MYO5A: variants seen among roughly 807,000 people sequenced by gnomAD.
MYO5A encodes myosin VA.
In MYO5A, 98 loss-of-function variants were observed where a neutral mutation model predicts 249.7. The ratio of observed to expected loss-of-function variants is 0.39; its 90% confidence interval spans 0.33 to 0.46. MYO5A has a LOEUF of 0.46. MYO5A is among the 20% of genes least tolerant of loss of function. The pLI is 0.98. For missense variants in MYO5A, 1,696 were observed against 2,308.8 expected (o/e 0.73, Z 5.44); for synonymous variants, 778 against 810.6 (o/e 0.96, Z 0.68).
At chr15:52,413,904 G>A (rs937048034) in intron 5 of MYO5A, among the ~76,000 whole-genome samples, 1 of 152,142 alleles carries the variant, frequency 6.6e-6, no homozygotes, top group Non-Finnish European at 1.5e-5. Flanking sequence ...AGCAAGCAGG[G>A]CATATTCTTT....
intron 1 of MYO5A, among the ~76,000 whole-genome samples, chr15:52,443,918 G>A (rs2141347307): frequency 6.6e-6 from 1 of 152,102 alleles, no homozygotes; most frequent in African/African-American, 2.4e-5. Context: ...GAGAGGCGGA[G>A]GTTGCAGTGA....
intron 36 of MYO5A, among the ~76,000 whole-genome samples, chr15:52,327,434 G>A (rs910890212): frequency 2.0e-5 from 3 of 152,192 alleles, no homozygotes; most frequent in African/African-American, 7.2e-5. Flanking sequence ...GTGGCTGGGT[G>A]CAGTGGCTCA....
In MYO5A at chr15:52,409,261, C is replaced by G. The variant is rs116201746; in HGVS notation, c.756+1072G>C. Among the ~76,000 whole-genome samples, 936 of 152,140 alleles carry G rather than the reference C, an allele frequency of 6.2e-3. 7 individuals carry two copies. Among genetic ancestry groups the G allele is most frequent in the African/African-American group, 0.022 (899 of 41,516 alleles). On this transcript the variant is annotated intron_variant, in intron 6 of 41. Coordinates refer to ENST00000399233, the MANE Select transcript of MYO5A (RefSeq NM_001382347.1). The stretch of plus-strand genomic sequence containing the variant: ...CTTACTCACTTACCTATCAATCAAA[C>G]CTCTACTATTTGAACTCTAATATTT...
At chr15:52,491,453 A>G (rs938190102) in intron 1 of MYO5A, among the ~76,000 whole-genome samples, 1 of 152,216 alleles carries the variant, frequency 6.6e-6, no homozygotes, top group Non-Finnish European at 1.5e-5. Context: ...CACCTACATC[A>G]TAATATCTAG....
intron 34 of MYO5A, among the ~76,000 whole-genome samples, chr15:52,333,531 C>T (rs971231873): frequency 6.6e-6 from 1 of 152,096 alleles, no homozygotes; most frequent in Non-Finnish European, 1.5e-5. Flanking sequence ...TAGTTTTTTC[C>T]TCTTATGAAA....
intron 22 of MYO5A, among the ~76,000 whole-genome samples, chr15:52,368,642 C>A (rs1220293061): frequency 1.3e-5 from 2 of 152,210 alleles, no homozygotes; most frequent in Admixed American, 1.3e-4. Context: ...CAGTGGCTCA[C>A]ACCTGTAAAC....
intron 1 of MYO5A, among the ~76,000 whole-genome samples, chr15:52,457,765 A>G (rs900198778): frequency 5.3e-5 from 8 of 152,234 alleles, no homozygotes; most frequent in Admixed American, 5.2e-4. Flanking sequence ...CTGGGTATTT[A>G]TTCAAGGGAA....
At chr15:52,433,046 A>G in intron 2 of MYO5A, 129 bp downstream of exon 2, 1 of 728,732 alleles carries the variant, frequency 1.4e-6, no homozygotes, top group Non-Finnish European at 2.5e-6. Context: ...ATTTTTACCA[A>G]TTTAGTAAGT....
At chr15:52,358,076 A>G (rs1290152755) in intron 25 of MYO5A, among the ~76,000 whole-genome samples, 2 of 152,200 alleles carry the variant, frequency 1.3e-5, no homozygotes, top group Non-Finnish European at 2.9e-5. Context: ...CTCCTAGAAG[A>G]GGTGCACACC....
rs190286683 is a variant in MYO5A, at chr15:52,434,234, G to A, written c.28-949C>T. ...AGGCTGGTCTCGAACCCCTGACCTCGTGACCCACCTGCCTCAGCCTCCCAA... is the reference window on the plus strand; with the variant it reads ...AGGCTGGTCTCGAACCCCTGACCTCATGACCCACCTGCCTCAGCCTCCCAA... On this transcript the variant is annotated intron_variant, in intron 1 of 41. Coordinates refer to ENST00000399233, the MANE Select transcript of MYO5A (RefSeq NM_001382347.1). 5.7e-3 allele frequency among the ~76,000 whole-genome samples: 858 copies of A among 151,706 alleles called. 7 individuals carry two copies. Among genetic ancestry groups the A allele is most frequent in the African/African-American group, 0.02 (818 of 41,354 alleles).
At chr15:52,365,359 G>A (rs1400667210) in intron 23 of MYO5A, among the ~76,000 whole-genome samples, 2 of 152,152 alleles carry the variant, frequency 1.3e-5, no homozygotes, top group East Asian at 3.8e-4. Context: ...TACACCCTCA[G>A]CCCTCTTTGT....
At chr15:52,358,641 G>A (rs1425909942) in intron 25 of MYO5A, among the ~76,000 whole-genome samples, 1 of 152,090 alleles carries the variant, frequency 6.6e-6, no homozygotes, top group East Asian at 1.9e-4. Flanking sequence ...ACCTGCTGCT[G>A]AACAGAGGCT....
chr15:52,503,475 A>T (rs1038959046), intron 1 of MYO5A, among the ~76,000 whole-genome samples: 1 of 151,970 alleles, frequency 6.6e-6, no homozygotes. Context: ...TAAAAAAAAA[A>T]ATAAAGAAAT....
At chr15:52,366,629 C>CAAAAAAAAAAAAAAAAAA in intron 23 of MYO5A, among the ~76,000 whole-genome samples, 1 of 74,554 alleles carries the variant, frequency 1.3e-5, no homozygotes, top group Non-Finnish European at 2.9e-5. Context: ...ATTGATTTAG[C>CAAAAAAAAAAAAAAAAAA]AAAAAAAAAA....
chr15:52,386,893 A>C (rs1389236553), intron 14 of MYO5A, among the ~76,000 whole-genome samples: 1 of 152,200 alleles, frequency 6.6e-6, no homozygotes, highest in African/African-American at 2.4e-5. Context: ...GTCTTCATGT[A>C]ATCTTTATAT....
At chr15:52,491,959 A>G (rs1183864093) in intron 1 of MYO5A, among the ~76,000 whole-genome samples, 1 of 152,240 alleles carries the variant, frequency 6.6e-6, no homozygotes, top group Admixed American at 6.5e-5. Flanking sequence ...CTTGAGACTT[A>G]CAATAAGTGT....
At position 52,314,294 on chromosome 15, in the gene MYO5A, A is replaced by C. The variant is rs1031643543; in HGVS notation, c.5410-91T>G. The C allele has an allele frequency of 1.1e-5, 11 of 966,444 alleles. No individual in the cohort carries two copies. In the African/African-American group the frequency reaches 1.6e-4, roughly 14 times the overall value. 59.9% of individuals were successfully genotyped at this position (966,444 alleles called of 1,614,324 possible). On this transcript the variant is annotated intron_variant, in intron 40 of 41. Coordinates refer to ENST00000399233, the MANE Select transcript of MYO5A (RefSeq NM_001382347.1). ...TGGAAAATTAAAAGGATCTGTGCGTACAGATTTCAGTTCTACTCAGGGGTG... is the reference window on the plus strand; with the variant it reads ...TGGAAAATTAAAAGGATCTGTGCGTCCAGATTTCAGTTCTACTCAGGGGTG...
At chr15:52,522,272 A>G (rs1340853974) in intron 1 of MYO5A, among the ~76,000 whole-genome samples, 1 of 152,218 alleles carries the variant, frequency 6.6e-6, no homozygotes, top group Non-Finnish European at 1.5e-5. Context: ...CGGTGGTTAC[A>G]TGACAGAATA....
At chr15:52,366,557 C>G (rs1369015547) in intron 23 of MYO5A, among the ~76,000 whole-genome samples, 2 of 137,612 alleles carry the variant, frequency 1.5e-5, no homozygotes, top group Non-Finnish European at 3.0e-5. Context: ...AGTTAGTTCT[C>G]TATTTTAAAA....
Sources: allele counts gnomAD v4.1 joint callset (sites outside exome capture counted in the v4.1 genomes callset), GRCh38; gene constraint gnomAD v4.1.1; transcripts MANE v1.5; gene names NCBI Gene and HGNC (gene_info 2026-07-23, HGNC 2026-07-21).